The following UPRT variants were observed in gnomAD, a reference collection of about 807,000 sequenced individuals.
UPRT encodes the protein uracil phosphoribosyltransferase homolog, also known as RP11-311P8.3.
UPRT carries 5 observed loss-of-function variants against 22.6 expected under a neutral mutation model. That is an observed-to-expected ratio of 0.22 (90% confidence interval 0.12 to 0.47). The LOEUF (loss-of-function observed/expected upper bound fraction) is 0.47. Ranked by LOEUF, UPRT falls within the 20% of genes least tolerant of loss-of-function variation. The probability of loss-of-function intolerance (pLI) is 0.99; values close to 1 mark genes in which losing one functional copy is unlikely to be tolerated. For missense variants in UPRT, 181 were observed against 239.9 expected, an observed-to-expected ratio of 0.75 and a Z score of 1.62; for synonymous variants, 77 against 87.7, an observed-to-expected ratio of 0.88 and a Z score of 0.68.
At chrX:75,180,981 T>G (rs1164403594) in intron 4 of UPRT, among the ~76,000 whole-genome samples, 3 of 110,378 alleles carry the variant, frequency 2.7e-5, no homozygotes, top group African/African-American at 9.9e-5. Flanking sequence ...CTTCCAGGGT[T>G]TTTATAGTTT....
chrX:75,177,790 C>T (rs758523359), intron 4 of UPRT, among the ~76,000 whole-genome samples: 8 of 111,727 alleles, frequency 7.2e-5, no homozygotes, highest in African/African-American at 1.3e-4. Context: ...TATGTCTTTC[C>T]GATTGGTGAG....
intron 4 of UPRT, among the ~76,000 whole-genome samples, chrX:75,207,306 G>A (rs981854436): frequency 1.8e-5 from 2 of 112,180 alleles, no homozygotes; most frequent in African/African-American, 6.5e-5. Flanking sequence ...CCTGTTGAGA[G>A]GTAATTCTGC....
At chrX:75,184,320 G>A (rs1323580919) in intron 4 of UPRT, among the ~76,000 whole-genome samples, 1 of 111,644 alleles carries the variant, frequency 9.0e-6, no homozygotes, top group East Asian at 2.8e-4. Flanking sequence ...GTTTGTCAAA[G>A]ACCAGATAGT....
At chrX:75,297,917 C>A (rs2147703540) in intron 4 of UPRT, 2 of 160,506 alleles carry the variant, frequency 1.2e-5, no homozygotes, top group East Asian at 2.6e-4. Context: ...GAATACCTGA[C>A]TGGAGAAAAT....
In UPRT at chrX:75,186,128, G is replaced by A. The variant is rs771828552; in HGVS notation, c.-447+18249G>A. On this transcript the variant is annotated intron_variant, in intron 4 of 13. Transcript: ENST00000652605. ...ATTGTGATGTTAGGGTGTCAATTTT[G>A]GATCTTTCCTGCTTTCTCTTGTGGG... Among the ~76,000 whole-genome samples, 480 of 110,327 alleles carry A rather than the reference G, an allele frequency of 4.4e-3. 2 individuals carry two copies. The highest frequency in any genetic ancestry group is 7.1e-3 in the Non-Finnish European group (372 of 52,636).
At chrX:75,190,895 G>T (rs1180412263) in intron 4 of UPRT, among the ~76,000 whole-genome samples, 9 of 110,451 alleles carry the variant, frequency 8.1e-5, no homozygotes, top group Non-Finnish European at 7.6e-5. Flanking sequence ...TTTTTTCAAG[G>T]TTTTTATCTT....
rs945548060 is a variant in UPRT at position 75,304,658 on chromosome X, G to T, written c.*1147G>T. 1 of 111,013 alleles carries T rather than the reference G, an allele frequency of 9.0e-6. No individual in the cohort carries two copies. The highest frequency in any genetic ancestry group is 1.9e-5 in the Non-Finnish European group (1 of 53,050). The allele number at this position is 111,013 out of a possible 1,213,427, so 9.1% of individuals were successfully genotyped here. A position where few individuals can be genotyped will look rare whatever the true frequency, so the allele number is the denominator to read the frequency against. ...CCATGGCCCCATAGGAAGCTGTTGT[G>T]GGCCTCTGTTCAAAAGCACAGAAAA... On this transcript the variant is annotated 3_prime_UTR_variant, in exon 7 of 7. Transcript: ENST00000373383.
chrX:75,295,422 A>C (rs1210771797), intron 2 of UPRT, among the ~76,000 whole-genome samples: 1 of 111,623 alleles, frequency 9.0e-6, no homozygotes, highest in Admixed American at 9.5e-5. Context: ...AAATCTCCAC[A>C]GAAGATGGTG....
At chrX:75,204,649 A>G (rs768702434) in intron 4 of UPRT, among the ~76,000 whole-genome samples, 1 of 111,838 alleles carries the variant, frequency 8.9e-6, no homozygotes, top group African/African-American at 3.3e-5. Context: ...AGATAGAGAA[A>G]TGGATTTTTG....
At chrX:75,240,343 A>G (rs997053357) in intron 4 of UPRT, among the ~76,000 whole-genome samples, 3 of 111,412 alleles carry the variant, frequency 2.7e-5, no homozygotes, top group African/African-American at 9.8e-5. Flanking sequence ...AACCCCTTAT[A>G]CAACAGCTGC....
intron 4 of UPRT, among the ~76,000 whole-genome samples, chrX:75,259,728 C>A (rs761310708): frequency 4.5e-5 from 5 of 110,664 alleles, no homozygotes; most frequent in Non-Finnish European, 7.5e-5. Context: ...GCAAGACATG[C>A]CAACATTCAA....
chrX:75,209,317 G>A (rs772788689), intron 4 of UPRT, among the ~76,000 whole-genome samples: 30 of 111,618 alleles, frequency 2.7e-4, no homozygotes, highest in African/African-American at 9.1e-4. Context: ...TCAGTTAGAG[G>A]TGATGAAGCG....
intron 4 of UPRT, among the ~76,000 whole-genome samples, chrX:75,243,728 C>T (rs1376642150): frequency 8.9e-6 from 1 of 111,787 alleles, no homozygotes; most frequent in Non-Finnish European, 1.9e-5. Flanking sequence ...AATTCATATT[C>T]TGTGGCATTG....
At chrX:75,185,085 C>A (rs1406312114) in intron 4 of UPRT, among the ~76,000 whole-genome samples, 26 of 111,690 alleles carry the variant, frequency 2.3e-4, no homozygotes, top group African/African-American at 7.2e-4. Context: ...GAGAGGGCAT[C>A]CCTGTCTTGT....
intron 1 of UPRT, among the ~76,000 whole-genome samples, chrX:75,286,716 A>G (rs982479016): frequency 9.0e-6 from 1 of 111,680 alleles, no homozygotes; most frequent in East Asian, 2.8e-4. Context: ...ACAGGGAGAG[A>G]AGTATCATAA....
At chrX:75,208,781 G>A (rs1248555743) in intron 4 of UPRT, among the ~76,000 whole-genome samples, 1 of 111,365 alleles carries the variant, frequency 9.0e-6, no homozygotes, top group Non-Finnish European at 1.9e-5. Flanking sequence ...AGGGGATATT[G>A]AGACTGATGA....
intron 1 of UPRT, among the ~76,000 whole-genome samples, chrX:75,160,245 A>G (rs1173669214): frequency 1.8e-5 from 2 of 111,602 alleles, no homozygotes; most frequent in Non-Finnish European, 3.8e-5. Context: ...TCTAACCTCT[A>G]GACATTTCCT....
chrX:75,198,703 C>G lies in UPRT; in HGVS notation c.-447+30824C>G, dbSNP rs372325415. 7.2e-5 allele frequency among the ~76,000 whole-genome samples: 8 copies of G among 111,226 alleles called. No individual in the cohort carries two copies. The South Asian group carries it at 3.1e-3, about 43-fold the overall frequency. On this transcript the variant is annotated intron_variant, in intron 4 of 13. Transcript: ENST00000652605. ...AATGCAGAACATATGCACATATGTT[C>G]TATCATATATGCAGATAGGTGAGCA...
intron 1 of UPRT, among the ~76,000 whole-genome samples, chrX:75,289,347 C>T (rs1385295091): frequency 5.4e-5 from 6 of 110,610 alleles, no homozygotes; most frequent in East Asian, 2.8e-4. Flanking sequence ...ATGGATTGGA[C>T]GAATCAATTT....
Sources: allele counts gnomAD v4.1 joint callset (sites outside exome capture counted in the v4.1 genomes callset), GRCh38; gene constraint gnomAD v4.1.1; transcripts MANE v1.5; gene names NCBI Gene and HGNC (gene_info 2026-07-23, HGNC 2026-07-21).